The following RASA2 variants were observed in gnomAD, a reference collection of about 807,000 sequenced individuals.
RASA2 encodes the protein RAS p21 protein activator 2.
In RASA2, 155 loss-of-function variants were observed where a neutral mutation model predicts 118.2. The ratio of observed to expected loss-of-function variants is 1.31; its 90% CI spans 1.15 to 1.50. The LOEUF is 1.50. Ranked by LOEUF, RASA2 falls within the 40% of genes most tolerant of loss-of-function variation. RASA2 has a pLI of 0.00. For missense variants in RASA2, 1,016 were observed against 1,009.6 expected (o/e 1.01, Z -0.09); for synonymous variants, 353 against 349.1 (o/e 1.01, Z -0.12).
chr3:141,558,157 A>G (rs537742445), intron 7 of RASA2, among the ~76,000 whole-genome samples: 45 of 152,300 alleles, frequency 3.0e-4, no homozygotes, highest in Admixed American at 1.8e-3. Flanking sequence ...CTCATTTTTA[A>G]GTGAGGGTAA....
chr3:141,586,684 G>A lies in RASA2; in HGVS notation c.1865G>A (p.Gly622Glu), dbSNP rs1560052561. 1 of 1,613,546 alleles carries A rather than the reference G, an allele frequency of 6.2e-7. No individual in the cohort carries two copies. Among genetic ancestry groups the A allele is most frequent in the South Asian group, 1.1e-5 (1 of 91,042 alleles). ...AGAGCTCAAGGAAGAACTCGGATTG[G>A]AAAAAAGAATTTTAAGAAACGATGG... The part of the protein sequence containing the change: ...YKRAQGRTRI[G>E]KKNFKKRWFC... Residue 622 changes from glycine (G) to glutamate (E), a missense_variant, in exon 19 of 24, where the codon GGA (glycine) becomes GAA (glutamate). Gly to Glu is a moderately conservative substitution (Grantham distance 98). Coordinates refer to ENST00000286364, the MANE Select transcript of RASA2 (RefSeq NM_006506.5).
At chr3:141,532,486 G>C (rs1477814982) in intron 4 of RASA2, among the ~76,000 whole-genome samples, 1 of 152,090 alleles carries the variant, frequency 6.6e-6, no homozygotes, top group Admixed American at 6.6e-5. Context: ...AAAGTTGTCA[G>C]GCATTTGCAG....
chr3:141,597,756 A>G (rs1236351223), intron 19 of RASA2, among the ~76,000 whole-genome samples: 1 of 152,216 alleles, frequency 6.6e-6, no homozygotes, highest in Non-Finnish European at 1.5e-5. Context: ...CAATCAGTGA[A>G]ATAGGAAACA....
In RASA2 at chr3:141,586,691, G is replaced by T. The variant is rs775043780; in HGVS notation, c.1872G>T (p.Lys624Asn). ...RAQGRTRIGK[K>N]NFKKRWFCLT... ...AAGGAAGAACTCGGATTGGAAAAAA[G>T]AATTTTAAGAAACGATGGTTCTGCT... The change falls in exon 19 of 24, where the codon AAG becomes AAT. Residue 624 changes from lysine (K) to asparagine (N), a missense_variant. Physicochemically the swap from Lys to Asn is moderately conservative, Grantham distance 94 (BLOSUM62 0). Transcript: ENST00000286364. 1 of 1,613,618 alleles carries T rather than the reference G, an allele frequency of 6.2e-7. No homozygotes were observed. Among genetic ancestry groups the T allele is most frequent in the Non-Finnish European group, 8.5e-7 (1 of 1,179,728 alleles).
chr3:141,540,105 T>C (rs1052772070), intron 4 of RASA2, among the ~76,000 whole-genome samples: 34 of 152,140 alleles, frequency 2.2e-4, no homozygotes, highest in African/African-American at 8.0e-4. Context: ...GGCTGTAACT[T>C]AGTTTTTAGT....
In RASA2 at chr3:141,609,994, T is replaced by A; in HGVS notation, c.2447T>A (p.Ile816Lys). The A allele has an allele frequency of 6.2e-7, 1 of 1,606,408 alleles. No individual in the cohort carries two copies. Among genetic ancestry groups the A allele is most frequent in the Non-Finnish European group, 8.5e-7 (1 of 1,176,434 alleles). The change falls in exon 23 of 24, where the codon ATA becomes AAA. Residue 816 changes from isoleucine (I) to lysine (K), a missense_variant. Ile to Lys is a moderately radical substitution (Grantham distance 102, BLOSUM62 -3). Coordinates refer to ENST00000286364, the MANE Select transcript of RASA2 (RefSeq NM_006506.5). ...AAGACAATTCAGCAAATAAAAAGCA[T>A]AATTGAGAAGCTGGATGAACCTCAT... ...TFKTIQQIKS[I>K]IEKLDEPHEK... is the part of the protein sequence containing the mutation.
Position 141,529,777 on chromosome 3 carries a change from C to T in RASA2, c.425C>T (p.Pro142Leu). 1 of 1,609,932 alleles carries T rather than the reference C, an allele frequency of 6.2e-7. No homozygotes were observed. Among genetic ancestry groups the T allele is most frequent in the African/African-American group, 1.3e-5 (1 of 74,860 alleles). ...SGKETWFSLQ[P>L]VDSNSEVQGK... ...AAAGAAACTTGGTTTTCATTACAGC[C>T]TGTTGACTCCAATTCAGAGGTTCAG... Residue 142 changes from proline to leucine, a missense_variant, in exon 4 of 24, where the codon CCT becomes CTT. Pro to Leu is a moderately conservative substitution (Grantham distance 98). Around this residue, in one of 2 missense-constraint regions of RASA2, gnomAD observed 896 missense variants for 836.4 expected, o/e 1.07. Coordinates refer to ENST00000286364, the MANE Select transcript of RASA2 (RefSeq NM_006506.5).
At chr3:141,514,460 A>G (rs2081994884) in intron 2 of RASA2, among the ~76,000 whole-genome samples, 1 of 152,180 alleles carries the variant, frequency 6.6e-6, no homozygotes, top group African/African-American at 2.4e-5. Flanking sequence ...GGGAGATAAA[A>G]ATGTTTTGTA....
chr3:141,562,833 C>T (rs2082756966), intron 9 of RASA2, among the ~76,000 whole-genome samples: 1 of 151,884 alleles, frequency 6.6e-6, no homozygotes, highest in Non-Finnish European at 1.5e-5. Flanking sequence ...CCACCACACC[C>T]AGCTAATTTT....
At chr3:141,580,503 TC>T (rs770449918) in intron 16 of RASA2, 52 bp downstream of exon 16, 15 of 1,386,754 alleles carry the variant, frequency 1.1e-5, no homozygotes, top group Non-Finnish European at 1.5e-5. Context: ...TGTTGTTACA[TC>T]CTATGATCCC....
intron 19 of RASA2, among the ~76,000 whole-genome samples, chr3:141,598,951 C>T (rs906082663): frequency 1.3e-5 from 2 of 151,888 alleles, no homozygotes; most frequent in African/African-American, 4.8e-5. Context: ...AGCTGGGCGT[C>T]GTGGTGCATG....
intron 3 of RASA2, among the ~76,000 whole-genome samples, chr3:141,520,859 C>A (rs2082102163): frequency 1.3e-5 from 2 of 152,028 alleles, no homozygotes. Flanking sequence ...ATGCTGTTTT[C>A]AAATGAAATG....
At chr3:141,569,647 T>C (rs944390129) in intron 9 of RASA2, among the ~76,000 whole-genome samples, 1 of 152,226 alleles carries the variant, frequency 6.6e-6, no homozygotes, top group Non-Finnish European at 1.5e-5. Flanking sequence ...GTTTTGTTTT[T>C]TAATTTTAGA....
At chr3:141,580,533 C>A (rs1025118970) in intron 16 of RASA2, 82 bp downstream of exon 16, 13 of 1,065,168 alleles carry the variant, frequency 1.2e-5, no homozygotes, top group South Asian at 3.1e-5. Context: ...GACTTACCTT[C>A]TTCCAAATTA....
At chr3:141,546,315 A>G (rs1183285306) in intron 5 of RASA2, among the ~76,000 whole-genome samples, 1 of 152,206 alleles carries the variant, frequency 6.6e-6, no homozygotes, top group Non-Finnish European at 1.5e-5. Context: ...AGCAGTGTAC[A>G]AGGGTTCCCT....
At chr3:141,488,176 T>C (rs893898282) in intron 1 of RASA2, among the ~76,000 whole-genome samples, 2 of 152,214 alleles carry the variant, frequency 1.3e-5, no homozygotes, top group African/African-American at 4.8e-5. Context: ...ATTTTTTTTT[T>C]CACAGTGGTT....
chr3:141,590,982 A>G (rs1405553723), intron 19 of RASA2, among the ~76,000 whole-genome samples: 1 of 152,218 alleles, frequency 6.6e-6, no homozygotes, highest in Non-Finnish European at 1.5e-5. Context: ...ATATTATCAG[A>G]CACTCAGCCA....
intron 1 of RASA2, among the ~76,000 whole-genome samples, chr3:141,494,051 C>T (rs1229293377): frequency 1.3e-5 from 2 of 152,118 alleles, no homozygotes; most frequent in Non-Finnish European, 2.9e-5. Context: ...TTGGCTGTAC[C>T]ACAGTTTATT....
intron 1 of RASA2, among the ~76,000 whole-genome samples, chr3:141,507,905 T>C (rs1441565132): frequency 1.3e-5 from 2 of 152,188 alleles, no homozygotes; most frequent in Non-Finnish European, 2.9e-5. Context: ...TAACTTTCTC[T>C]TCTCTGCAGC....
Sources: gnomAD v4.1 joint callset for allele counts (sites outside exome capture counted in the v4.1 genomes callset) on GRCh38, gnomAD v4.1.1 for gene constraint, gnomAD v4.1.1 regional missense constraint, MANE v1.5 for transcripts, NCBI Gene and HGNC (gene_info 2026-07-23, HGNC 2026-07-21) for gene names.